The following AOX1 variants were observed in gnomAD, a reference collection of about 807,000 sequenced individuals.
AOX1 encodes aldehyde oxidase.
AOX1 carries 153 observed loss-of-function variants against 169.5 expected under a neutral mutation model. That is an observed-to-expected ratio of 0.90 (90% CI 0.79 to 1.03). AOX1 has a LOEUF of 1.03. Among genes scored for constraint, AOX1 ranks in the 50% least tolerant of loss-of-function variants. The pLI is 0.00. For missense variants in AOX1, 1,656 were observed against 1,663.9 expected (o/e 1.00, Z 0.08); for synonymous variants, 562 against 581.9 (o/e 0.97, Z 0.49).
chr2:200,667,405 C>CT (rs1216004199), intron 32 of AOX1, among the ~76,000 whole-genome samples: 2 of 151,974 alleles, frequency 1.3e-5, no homozygotes, highest in Non-Finnish European at 2.9e-5. Flanking sequence ...GGCAATTCAG[C>CT]TCATTACCTC....
intron 16 of AOX1, among the ~76,000 whole-genome samples, chr2:200,619,899 C>A (rs1251193578): frequency 6.6e-6 from 1 of 152,056 alleles, no homozygotes; most frequent in Non-Finnish European, 1.5e-5. Context: ...CAAACATAGT[C>A]ACGATATCAT....
chr2:200,643,218 G>A (rs550482222), intron 25 of AOX1, among the ~76,000 whole-genome samples: 70 of 150,912 alleles, frequency 4.6e-4, no homozygotes, highest in Non-Finnish European at 7.5e-4. Flanking sequence ...TAATAGGTTG[G>A]TTTTTATTTT....
intron 30 of AOX1, 104 bp downstream of exon 30, chr2:200,661,735 T>A (rs2035833111): frequency 2.4e-6 from 2 of 822,080 alleles, no homozygotes; most frequent in South Asian, 1.5e-5. Context: ...TTCTACCTTC[T>A]ATTTACCCAT....
chr2:200,604,625 C>A, intron 8 of AOX1, 71 bp from the exon 9 acceptor site: 2 of 1,492,166 alleles, frequency 1.3e-6, no homozygotes, highest in Non-Finnish European at 9.3e-7. Flanking sequence ...ATCTACAGTG[C>A]TAATGATTGA....
At position 200,605,601 on chromosome 2, in the gene AOX1, C is replaced by T; in HGVS notation, c.880C>T (p.Leu294=). The change falls in exon 10 of 35, where the codon CTG becomes TTG. Residue 294 remains leucine, a synonymous_variant. Transcript: ENST00000374700. ...AATTTCTCCTGATAGAATTGAAGAA[C>T]TGAGTGTTGTAAACCATGCATATAA... ...VIISPDRIEE[L]SVVNHAYNGL... The T allele has an allele frequency of 6.4e-7, 1 of 1,563,468 alleles. No individual in the cohort carries two copies. Among genetic ancestry groups the T allele is most frequent in the Non-Finnish European group, 8.7e-7 (1 of 1,154,836 alleles).
At chr2:200,614,099 T>G in intron 15 of AOX1, 133 bp downstream of exon 15, 3 of 824,570 alleles carry the variant, frequency 3.6e-6, no homozygotes, top group Non-Finnish European at 5.5e-6. Flanking sequence ...ACGTACTTGC[T>G]GAACATCCCT....
At chr2:200,677,604 A>C (rs1175271111), downstream of AOX1, among the ~76,000 whole-genome samples, 1 of 152,238 alleles carries the variant, frequency 6.6e-6, no homozygotes, top group East Asian at 1.9e-4. Flanking sequence ...AGCCAGGAAT[A>C]AACTTCACAG....
rs1369846552 is a variant in AOX1, at chr2:200,587,103, C to CA, written c.45+960dup. Reference sequence around the variant, plus strand: ...GCAACATGGCGAAACCTTGTCTCTACAAAAAAAAAACCAAACAAAACAAAA... The same window carrying CA: ...GCAACATGGCGAAACCTTGTCTCTACAAAAAAAAAAACCAAACAAAACAAAA... On this transcript the variant is annotated intron_variant, in intron 1 of 34. Transcript: ENST00000374700. 4.8e-3 allele frequency among the ~76,000 whole-genome samples: 671 copies of CA among 138,682 alleles called. 2 individuals carry two copies. The highest frequency in any genetic ancestry group is 0.018 in the Middle Eastern group (5 of 284). The allele number at this position is 138,682 out of a possible 152,430, so 91.0% of individuals were successfully genotyped here. A position where few individuals can be genotyped will look rare whatever the true frequency, so the allele number is the denominator to read the frequency against.
intron 25 of AOX1, among the ~76,000 whole-genome samples, chr2:200,644,240 A>G (rs1160160712): frequency 6.6e-6 from 1 of 152,198 alleles, no homozygotes; most frequent in Non-Finnish European, 1.5e-5. Flanking sequence ...TAATTTTTGT[A>G]TAAGGTCAGA....
chr2:200,641,078 A>T lies in AOX1; in HGVS notation c.2569-20A>T, dbSNP rs774341775. The T allele has an allele frequency of 4.4e-6, 7 of 1,600,122 alleles. No individual in the cohort carries two copies. The highest frequency in any genetic ancestry group is 6.0e-6 in the Non-Finnish European group (7 of 1,168,260). ...GACTTGGCCCCTGTTCCAGCATTCG[A>T]TATCGGTTCTCTTCCCCAGGCTGGA... On this transcript the variant is annotated intron_variant, in intron 23 of 34. Coordinates refer to ENST00000374700, the MANE Select transcript of AOX1 (RefSeq NM_001159.4).
At chr2:200,628,786 G>T (rs1402083779) in intron 20 of AOX1, among the ~76,000 whole-genome samples, 2 of 152,070 alleles carry the variant, frequency 1.3e-5, no homozygotes, top group African/African-American at 2.4e-5. Flanking sequence ...AAAATTCCAG[G>T]CGTGGTGGTG....
intron 15 of AOX1, 97 bp from the exon 16 acceptor site, chr2:200,615,874 G>A: frequency 2.3e-6 from 2 of 852,012 alleles, no homozygotes; most frequent in Non-Finnish European, 3.9e-6. Flanking sequence ...AGACTTCAGA[G>A]TAGAGATGCT....
At chr2:200,666,537 C>A (rs2287010) in intron 31 of AOX1, 150 bp from the exon 32 acceptor site, 256,103 of 456,188 alleles carry the variant, frequency 0.56, 73,200 homozygotes, top group East Asian at 0.75. Context: ...AAACTTTGTC[C>A]TATAATAAAA....
chr2:200,626,264 G>A (rs1401922262), intron 19 of AOX1, among the ~76,000 whole-genome samples: 2 of 152,178 alleles, frequency 1.3e-5, no homozygotes, highest in African/African-American at 2.4e-5. Context: ...GGGCCCCACC[G>A]GTGCTATAAA....
chr2:200,629,025 A>T (rs1481207834), intron 20 of AOX1, among the ~76,000 whole-genome samples: 2 of 152,216 alleles, frequency 1.3e-5, no homozygotes, highest in Non-Finnish European at 2.9e-5. Context: ...CCTAAGACAC[A>T]TCCCATCCTG....
intron 22 of AOX1, among the ~76,000 whole-genome samples, chr2:200,637,275 A>G (rs2035254359): frequency 6.6e-6 from 1 of 152,222 alleles, no homozygotes; most frequent in Admixed American, 6.5e-5. Context: ...TATAATACCT[A>G]GAAAGTGGGC....
intron 20 of AOX1, among the ~76,000 whole-genome samples, chr2:200,628,764 A>G (rs542855249): frequency 6.6e-6 from 1 of 152,188 alleles, no homozygotes; most frequent in East Asian, 1.9e-4. Context: ...ACCCCTCTCT[A>G]CTAAAAATAC....
intron 31 of AOX1, among the ~76,000 whole-genome samples, chr2:200,663,703 T>C (rs1214621657): frequency 6.6e-6 from 1 of 152,094 alleles, no homozygotes; most frequent in Admixed American, 6.6e-5. Context: ...TCAATACTAA[T>C]AAATGATCAC....
chr2:200,613,667 T>A lies in AOX1; in HGVS notation c.1449-137T>A. 2.4e-6 allele frequency: 2 copies of A among 818,846 alleles called. 1 individual carries two copies. Among genetic ancestry groups the A allele is most frequent in the South Asian group, 5.4e-5 (2 of 37,176 alleles). 50.7% of individuals were successfully genotyped at this position (818,846 alleles called of 1,614,324 possible). A position where few individuals can be genotyped will look rare whatever the true frequency, so the allele number is the denominator to read the frequency against. ...GCCACCTTGAGAATGGTGGGCCAAT[T>A]TGAACTCGGGCTGCCTGATCCAGAG... On this transcript the variant is annotated intron_variant, in intron 14 of 34. Coordinates refer to ENST00000374700, the MANE Select transcript of AOX1 (RefSeq NM_001159.4).
Sources: gnomAD v4.1 joint callset for allele counts (sites outside exome capture counted in the v4.1 genomes callset) on GRCh38, gnomAD v4.1.1 for gene constraint, MANE v1.5 for transcripts, NCBI Gene and HGNC (gene_info 2026-07-23, HGNC 2026-07-21) for gene names.